Variants in APOL5 observed in about 807,000 individuals in gnomAD.
The protein encoded by APOL5 is apolipoprotein L, 5.
In APOL5, 29 loss-of-function variants were observed where a neutral mutation model predicts 35.5. That is an observed-to-expected ratio of 0.82 (90% CI 0.61 to 1.11). The LOEUF is 1.11. Among genes scored for constraint, APOL5 ranks in the 50% most tolerant of loss-of-function variants. The probability of loss-of-function intolerance (pLI) is 0.00; values close to 1 mark genes in which losing one functional copy is unlikely to be tolerated. For missense variants in APOL5, 514 were observed against 530.4 expected (o/e 0.97, Z 0.30); for synonymous variants, 188 against 200.2 (o/e 0.94, Z 0.51).
At chr22:35,717,754 G>GA (rs1435096149), upstream of APOL5, 907 of 346,228 alleles carry the variant, frequency 2.6e-3, 14 homozygotes, top group African/African-American at 0.013. Context: ...AAAAAAAAAA[G>GA]AAAGAAAAGA....
Position 35,727,379 on chromosome 22 carries a change from T to C in APOL5, c.1126+185T>C, listed in dbSNP as rs904399845. On this transcript the variant is annotated intron_variant, in intron 3 of 4. Transcript: ENST00000249044. ...GCCCTCTGTTCTTCCCAGAATTGCG[T>C]TCTGTTCTCTCAAAGCCCTGACCAT... is the stretch of plus-strand genomic sequence containing the variant. 5.3e-4 allele frequency among the ~76,000 whole-genome samples: 81 copies of C among 152,202 alleles called. 3 individuals carry two copies. Among genetic ancestry groups the C allele is most frequent in the Admixed American group, 5.3e-3 (81 of 15,284 alleles).
At chr22:35,710,113 C>CTTTT in the APOL5 span, among the ~76,000 whole-genome samples, 40 of 86,710 alleles carry the variant, frequency 4.6e-4, 3 homozygotes, top group African/African-American at 1.5e-3. Context: ...CTTTCTTTCT[C>CTTTT]TTTTTTTTTT....
upstream of APOL5, chr22:35,717,738 C>CAAAAAAAA (rs71322979): frequency 0.065 from 12,303 of 189,136 alleles, 1,128 homozygotes; most frequent in Admixed American, 0.084. Flanking sequence ...AGCTCCATCG[C>CAAAAAAAA]AAAAAAAAAA....
chr22:35,721,236 A>C (rs968619397), intron 2 of APOL5, among the ~76,000 whole-genome samples: 1 of 148,854 alleles, frequency 6.7e-6, no homozygotes, highest in Non-Finnish European at 1.5e-5. Flanking sequence ...ATATCTTAGT[A>C]AAAAAAATGT....
the APOL5 span, among the ~76,000 whole-genome samples, chr22:35,711,093 C>T: frequency 6.6e-6 from 1 of 152,180 alleles, no homozygotes; most frequent in Non-Finnish European, 1.5e-5. Context: ...TCGCTTGAAG[C>T]CGGGAGTGGG....
intron 2 of APOL5, 45 bp downstream of exon 2, chr22:35,720,699 G>C: frequency 7.2e-7 from 1 of 1,384,146 alleles, no homozygotes; most frequent in Non-Finnish European, 1.0e-6. Flanking sequence ...CACAATCCCA[G>C]CATCCAAAAC....
chr22:35,722,849 C>T (rs777605739), intron 2 of APOL5, among the ~76,000 whole-genome samples: 21 of 152,246 alleles, frequency 1.4e-4, no homozygotes, highest in East Asian at 5.8e-4. Context: ...CTAACAATAG[C>T]GGGGAGGTTA....
intron 2 of APOL5, among the ~76,000 whole-genome samples, 194 bp from the exon 3 acceptor site, chr22:35,726,017 T>C (rs1232774513): frequency 6.6e-6 from 1 of 152,192 alleles, no homozygotes; most frequent in Non-Finnish European, 1.5e-5. Context: ...TAGTTCAGCT[T>C]ATGCCCAGAA....
chr22:35,710,752 T>C, the APOL5 span, among the ~76,000 whole-genome samples: 1 of 152,124 alleles, frequency 6.6e-6, no homozygotes, highest in Non-Finnish European at 1.5e-5. Context: ...CCTAGCTTCA[T>C]GAATTTGACT....
intron 3 of APOL5, among the ~76,000 whole-genome samples, chr22:35,728,260 GT>G (rs1406517062): frequency 6.6e-6 from 1 of 152,124 alleles, no homozygotes; most frequent in East Asian, 1.9e-4. Context: ...GTCTCGCTCT[GT>G]TGCCCAGGCT....
At chr22:35,717,758 G>GAAAAT, upstream of APOL5, 2 of 275,070 alleles carry the variant, frequency 7.3e-6, no homozygotes, top group Non-Finnish European at 1.1e-5. Flanking sequence ...AAAAAAGAAA[G>GAAAAT]AAAAGAAAAG....
At chr22:35,721,920 C>T (rs1926983709) in intron 2 of APOL5, among the ~76,000 whole-genome samples, 1 of 152,190 alleles carries the variant, frequency 6.6e-6, no homozygotes, top group Admixed American at 6.5e-5. Context: ...TTATAGCAAC[C>T]AAATGCCTAA....
At chr22:35,717,235 A>AAAAAAAAAAAAAATATATATATATAT, upstream of APOL5, among the ~76,000 whole-genome samples, 1 of 57,662 alleles carries the variant, frequency 1.7e-5, no homozygotes, top group Non-Finnish European at 3.1e-5. Flanking sequence ...AAAAAAAAAA[A>AAAAAAAAAAAAAATATATATATATAT]ATATATATAT....
the APOL5 span, among the ~76,000 whole-genome samples, chr22:35,711,965 G>A: frequency 0.25 from 38,026 of 151,530 alleles, 5,894 homozygotes; most frequent in East Asian, 0.59. Flanking sequence ...GTGAGCCACC[G>A]CGCCCAGCCT....
chr22:35,722,508 C>T (rs1368333438), intron 2 of APOL5, among the ~76,000 whole-genome samples: 1 of 152,170 alleles, frequency 6.6e-6, no homozygotes, highest in African/African-American at 2.4e-5. Flanking sequence ...ACCACGTTGG[C>T]CAGGCTGGTC....
chr22:35,713,205 G>A (rs542602066), upstream of APOL5, among the ~76,000 whole-genome samples: 56 of 152,038 alleles, frequency 3.7e-4, no homozygotes, highest in South Asian at 1.9e-3. Flanking sequence ...ATTTTCCCTC[G>A]TCTCTAATAG....
rs919570799 is a variant in APOL5 at position 35,720,500 on chromosome 22, G to A, written c.56-68G>A. 5 of 1,392,550 alleles carry A rather than the reference G, an allele frequency of 3.6e-6. No individual in the cohort carries two copies. In the Admixed American group the frequency reaches 5.3e-5, roughly 15 times the overall value. 86.3% of individuals were successfully genotyped at this position (1,392,550 alleles called of 1,614,324 possible). ...TAATTAGACAGCCAACTTTCCCGGA[G>A]CACTGTTATGTCTTTTCGGGCTGAG... On this transcript the variant is annotated intron_variant, in intron 1 of 4. Transcript: ENST00000249044.
At chr22:35,717,864 T>C (rs754996683), upstream of APOL5, 9 of 1,566,988 alleles carry the variant, frequency 5.7e-6, no homozygotes, top group Non-Finnish European at 7.8e-6. Context: ...TTTTAAAAAA[T>C]CTAAAGCATG....
At chr22:35,723,083 C>A (rs1478204665) in intron 2 of APOL5, among the ~76,000 whole-genome samples, 1 of 152,138 alleles carries the variant, frequency 6.6e-6, no homozygotes, top group African/African-American at 2.4e-5. Context: ...GGGAGGGACC[C>A]AGGGCTGGTC....
Sources: gnomAD v4.1 joint callset for allele counts (sites outside exome capture counted in the v4.1 genomes callset) on GRCh38, gnomAD v4.1.1 for gene constraint, MANE v1.5 for transcripts, NCBI Gene and HGNC (gene_info 2026-07-23, HGNC 2026-07-21) for gene names.